Variants in SCN11A observed in about 807,000 individuals in gnomAD.
SCN11A encodes the protein sodium voltage-gated channel alpha subunit 11, also known as sodium channel protein type 11 subunit alpha.
SCN11A carries 122 observed loss-of-function variants against 162.2 expected under a neutral mutation model. The ratio of observed to expected loss-of-function variants is 0.75; its 90% CI spans 0.65 to 0.87. SCN11A has a LOEUF of 0.87. Ranked by LOEUF, SCN11A falls within the 40% of genes least tolerant of loss-of-function variation. The probability of loss-of-function intolerance (pLI) is 0.00; values close to 1 mark genes in which losing one functional copy is unlikely to be tolerated. For synonymous variants in SCN11A, 758 were observed against 751.5 expected, an observed-to-expected ratio of 1.01 and a Z score of -0.14; for missense variants, 2,015 against 2,181.6, an observed-to-expected ratio of 0.92 and a Z score of 1.52.
At chr3:39,027,142 C>T (rs2031608711) in intron 2 of SCN11A, among the ~76,000 whole-genome samples, 1 of 152,134 alleles carries the variant, frequency 6.6e-6, no homozygotes. Flanking sequence ...AAGCCCTGGC[C>T]CTAGAAACAA....
chr3:38,912,246 C>T (rs991896596), intron 11 of SCN11A, among the ~76,000 whole-genome samples: 1 of 152,072 alleles, frequency 6.6e-6, no homozygotes, highest in Non-Finnish European at 1.5e-5. Flanking sequence ...GTTCAATCTC[C>T]TCCTCTCTGG....
intron 9 of SCN11A, among the ~76,000 whole-genome samples, chr3:38,921,607 A>T (rs1255994978): frequency 6.6e-6 from 1 of 152,218 alleles, no homozygotes. Context: ...AGCTGGGGCC[A>T]CACTAGAGAA....
intron 14 of SCN11A, among the ~76,000 whole-genome samples, chr3:38,907,142 G>A (rs80077928): frequency 0.03 from 4,518 of 151,850 alleles, 90 homozygotes; most frequent in Non-Finnish European, 0.048. Flanking sequence ...TCTGGATGCT[G>A]TTGGTTTTCC....
At chr3:38,984,864 A>G (rs1025392313) in intron 2 of SCN11A, among the ~76,000 whole-genome samples, 1 of 152,126 alleles carries the variant, frequency 6.6e-6, no homozygotes, top group Non-Finnish European at 1.5e-5. Flanking sequence ...GGGAGGGAAC[A>G]TTCCAAGAAA....
chr3:38,872,966 T>G (rs950687325), intron 23 of SCN11A, among the ~76,000 whole-genome samples: 6 of 152,182 alleles, frequency 3.9e-5, no homozygotes, highest in Admixed American at 6.6e-5. Context: ...AAATAAATTA[T>G]TTGCTAATAT....
chr3:38,936,805 G>T (rs894270022), intron 7 of SCN11A, among the ~76,000 whole-genome samples: 2 of 152,174 alleles, frequency 1.3e-5, no homozygotes. Flanking sequence ...CCCAAGGTAA[G>T]TTATAGATTC....
intron 2 of SCN11A, among the ~76,000 whole-genome samples, chr3:38,997,582 C>G (rs938909794): frequency 5.9e-5 from 9 of 152,226 alleles, no homozygotes; most frequent in African/African-American, 1.4e-4. Context: ...TCTGCCCCCA[C>G]TAGAATGTTA....
At chr3:38,971,977 G>A (rs1220488352) in intron 2 of SCN11A, among the ~76,000 whole-genome samples, 1 of 152,144 alleles carries the variant, frequency 6.6e-6, no homozygotes, top group Non-Finnish European at 1.5e-5. Context: ...AGGTAGGGAG[G>A]GGGAAGAAGC....
rs189097931 is a variant in SCN11A, at chr3:38,909,958, A to G, written c.1101+108T>C. ...ATGAGACAGATGATAAAAGTGGGGG[A>G]TGAATGGTAGTTATAAATAAATGGT... On this transcript the variant is annotated intron_variant, in intron 12 of 29. Coordinates refer to ENST00000302328, the MANE Select transcript of SCN11A (RefSeq NM_001349253.2). 4.0e-4 allele frequency: 407 copies of G among 1,029,584 alleles called. 2 individuals carry two copies. In the East Asian group the frequency reaches 0.011, roughly 27 times the overall value. 63.8% of individuals were successfully genotyped at this position (1,029,584 alleles called of 1,614,324 possible). A position where few individuals can be genotyped will look rare whatever the true frequency, so the allele number is the denominator to read the frequency against.
At chr3:38,884,840 T>C (rs948561785) in intron 21 of SCN11A, among the ~76,000 whole-genome samples, 51 of 152,168 alleles carry the variant, frequency 3.4e-4, no homozygotes, top group African/African-American at 6.0e-4. Context: ...CACAGAGAGG[T>C]TAACTAAATT....
intron 3 of SCN11A, among the ~76,000 whole-genome samples, chr3:38,957,363 G>A (rs1215043536): frequency 6.6e-6 from 1 of 152,120 alleles, no homozygotes; most frequent in Non-Finnish European, 1.5e-5. Context: ...TTTATAGGTT[G>A]CAAAAGGATT....
In SCN11A at chr3:38,897,034, C is replaced by G; in HGVS notation, c.2214G>C (p.Pro738=). Residue 738 remains proline (P), a synonymous_variant, in exon 18 of 30, where the codon CCG becomes CCC. Coordinates refer to ENST00000302328, the MANE Select transcript of SCN11A (RefSeq NM_001349253.2). The stretch of plus-strand genomic sequence containing the variant: ...GTAAACATGAGACTGTCGGGCCTGT[C>G]GGGTTACAGAGTTTTGGACTCTTTT... ...NSQKSPKLCN[P]TGPTVSCLRH... is the part of the protein sequence containing the mutation. 1 of 1,614,042 alleles carries G rather than the reference C, an allele frequency of 6.2e-7. No homozygotes were observed.
intron 16 of SCN11A, among the ~76,000 whole-genome samples, chr3:38,902,191 C>A (rs564570292): frequency 6.6e-6 from 1 of 152,188 alleles, no homozygotes; most frequent in Non-Finnish European, 1.5e-5. Flanking sequence ...CCCCTATAGA[C>A]ACAGCTTGCT....
intron 18 of SCN11A, among the ~76,000 whole-genome samples, chr3:38,895,574 C>A (rs1048578407): frequency 8.5e-5 from 13 of 152,302 alleles, no homozygotes; most frequent in African/African-American, 3.1e-4. Context: ...TACACACTCT[C>A]TAATTCATCA....
chr3:39,050,601 A>C (rs2032319040), intron 1 of SCN11A, among the ~76,000 whole-genome samples: 2 of 152,084 alleles, frequency 1.3e-5, no homozygotes, highest in Non-Finnish European at 2.9e-5. Context: ...TAATTTAAGA[A>C]GTATTTGTCA....
chr3:39,019,481 C>G (rs1221894452), intron 2 of SCN11A, among the ~76,000 whole-genome samples: 1 of 152,160 alleles, frequency 6.6e-6, no homozygotes, highest in Non-Finnish European at 1.5e-5. Flanking sequence ...GGCCTCACAT[C>G]AATTAAACTC....
intron 2 of SCN11A, among the ~76,000 whole-genome samples, chr3:39,023,356 T>C (rs976638529): frequency 3.9e-5 from 6 of 152,224 alleles, no homozygotes; most frequent in African/African-American, 1.4e-4. Context: ...AGAACTGCTA[T>C]TCATACCCTT....
chr3:39,020,760 G>A (rs543522700), intron 2 of SCN11A, among the ~76,000 whole-genome samples: 11 of 152,164 alleles, frequency 7.2e-5, no homozygotes, highest in African/African-American at 2.6e-4. Context: ...GCTTTCTGTA[G>A]GAACACACAC....
chr3:38,963,352 G>GATAGATATAT (rs1553646177), intron 2 of SCN11A, among the ~76,000 whole-genome samples: 1 of 38,286 alleles, frequency 2.6e-5, no homozygotes, highest in Non-Finnish European at 5.8e-5. Context: ...CTATTTGATG[G>GATAGATATAT]ATATATATAT....
Sources: gnomAD v4.1 joint callset for allele counts (sites outside exome capture counted in the v4.1 genomes callset) on GRCh38, gnomAD v4.1.1 for gene constraint, MANE v1.5 for transcripts, NCBI Gene and HGNC (gene_info 2026-07-23, HGNC 2026-07-21) for gene names.